The following AADAT variants were observed in gnomAD, a reference collection of about 807,000 sequenced individuals.
AADAT encodes the protein kynurenine/alpha-aminoadipate aminotransferase, mitochondrial.
In AADAT, 25 loss-of-function variants were observed where a neutral mutation model predicts 56.2. That is an observed-to-expected ratio of 0.44 (90% confidence interval 0.32 to 0.62). AADAT has a LOEUF of 0.62. AADAT is among the 20% of genes least tolerant of loss of function. The pLI is 0.04. For missense variants in AADAT, 387 were observed against 510.5 expected, an observed-to-expected ratio of 0.76 and a Z score of 2.33; for synonymous variants, 173 against 164.7, an observed-to-expected ratio of 1.05 and a Z score of -0.39.
chr4:170,081,068 C>T (rs899091342), intron 3 of AADAT, among the ~76,000 whole-genome samples: 1 of 152,024 alleles, frequency 6.6e-6, no homozygotes, highest in African/African-American at 2.4e-5. Context: ...AACAGCAATT[C>T]AGAAATTTAT....
intron 4 of AADAT, among the ~76,000 whole-genome samples, chr4:170,075,360 G>A (rs954922407): frequency 1.6e-4 from 25 of 152,036 alleles, no homozygotes; most frequent in African/African-American, 5.8e-4. Context: ...TAAGTGACAA[G>A]GTCTCACTTT....
At chr4:170,066,515 A>T in intron 9 of AADAT, 37 bp from the exon 10 acceptor site, 4 of 1,496,358 alleles carry the variant, frequency 2.7e-6, no homozygotes, top group Non-Finnish European at 3.7e-6. Context: ...TGTGCTCAGT[A>T]CATTGATTGC....
intron 3 of AADAT, among the ~76,000 whole-genome samples, chr4:170,081,783 T>A (rs1045874363): frequency 6.6e-6 from 1 of 152,152 alleles, no homozygotes; most frequent in Non-Finnish European, 1.5e-5. Context: ...CAAGCAATCT[T>A]CCCATCTCAG....
chr4:170,092,212 C>T (rs191169920), upstream of AADAT, among the ~76,000 whole-genome samples: 5 of 152,242 alleles, frequency 3.3e-5, no homozygotes, highest in African/African-American at 7.2e-5. Flanking sequence ...TTTGTTTTCT[C>T]GCAGTTTGCA....
intron 8 of AADAT, 77 bp downstream of exon 8, chr4:170,068,514 G>T: frequency 9.0e-7 from 1 of 1,116,868 alleles, no homozygotes; most frequent in Non-Finnish European, 1.3e-6. Context: ...TGGAGTTCCT[G>T]TGCTCTACCA....
At chr4:170,086,256 A>G (rs1341723520) in intron 3 of AADAT, among the ~76,000 whole-genome samples, 1 of 151,872 alleles carries the variant, frequency 6.6e-6, no homozygotes, top group Non-Finnish European at 1.5e-5. Context: ...AAAAAAAAAA[A>G]AAGAAAGAAA....
At position 170,087,350 on chromosome 4, in the gene AADAT, C is replaced by T; in HGVS notation, c.237-102G>A. On this transcript the variant is annotated intron_variant, in intron 2 of 12. Transcript: ENST00000337664. ...ACAGCTTTATCAAGCACTTTGTACA[C>T]TCAATTAAAAAACCCTCAAATGCTT... The T allele has an allele frequency of 3.6e-6, 4 of 1,124,358 alleles. No homozygotes were observed. In the South Asian group the frequency reaches 6.6e-5, roughly 18 times the overall value. 69.6% of individuals were successfully genotyped at this position (1,124,358 alleles called of 1,614,324 possible). A position where few individuals can be genotyped will look rare whatever the true frequency, so the allele number is the denominator to read the frequency against.
At chr4:170,073,403 G>GTTT in intron 4 of AADAT, 58 bp from the exon 5 acceptor site, 7 of 1,178,412 alleles carry the variant, frequency 5.9e-6, no homozygotes, top group South Asian at 1.7e-5. Context: ...AGTGCTATTG[G>GTTT]TTTTTTTTTT....
intron 10 of AADAT, among the ~76,000 whole-genome samples, chr4:170,065,571 G>A (rs928769331): frequency 3.3e-5 from 5 of 151,846 alleles, no homozygotes; most frequent in African/African-American, 1.2e-4. Context: ...CATGATCTTG[G>A]CTCACTGCCA....
At chr4:170,066,828 C>T (rs547553384) in intron 9 of AADAT, among the ~76,000 whole-genome samples, 8 of 152,220 alleles carry the variant, frequency 5.3e-5, no homozygotes, top group Non-Finnish European at 8.8e-5. Context: ...AATGAATCAC[C>T]GGTCTGGGAA....
intron 1 of AADAT, 116 bp from the exon 2 acceptor site, chr4:170,088,680 T>G (rs1007813047): frequency 9.4e-7 from 1 of 1,064,374 alleles, no homozygotes; most frequent in Non-Finnish European, 1.4e-6. Context: ...AGTGATAGAG[T>G]GTGCTATGGT....
chr4:170,077,551 C>T (rs1207500563), intron 4 of AADAT, among the ~76,000 whole-genome samples: 1 of 152,100 alleles, frequency 6.6e-6, no homozygotes, highest in Non-Finnish European at 1.5e-5. Context: ...AAGTTGGAAT[C>T]AATAGAGCAT....
chr4:170,062,210 G>A (rs1731226470), intron 11 of AADAT, among the ~76,000 whole-genome samples: 1 of 152,092 alleles, frequency 6.6e-6, no homozygotes. Context: ...AATCAATATG[G>A]CAAATGCTAT....
intron 3 of AADAT, among the ~76,000 whole-genome samples, chr4:170,085,891 T>C (rs1474411562): frequency 2.6e-5 from 4 of 152,062 alleles, no homozygotes; most frequent in Non-Finnish European, 5.9e-5. Flanking sequence ...CATATTTCCA[T>C]GAAAAAGAAA....
intron 11 of AADAT, among the ~76,000 whole-genome samples, chr4:170,063,691 C>T (rs1731307089): frequency 6.6e-6 from 1 of 152,164 alleles, no homozygotes. Context: ...TTCTAGAGCA[C>T]CTTGTCTCTT....
chr4:170,089,305 CT>C (rs1732721361), intron 1 of AADAT: 1 of 553,230 alleles, frequency 1.8e-6, no homozygotes, highest in Non-Finnish European at 3.4e-6. Flanking sequence ...GTGCATGCCC[CT>C]TCTCAGCTTC....
chr4:170,092,282 A>G (rs1045803338), upstream of AADAT, among the ~76,000 whole-genome samples: 2 of 152,232 alleles, frequency 1.3e-5, no homozygotes, highest in Non-Finnish European at 2.9e-5. Context: ...TGTAACACTC[A>G]CCGCGAAGGT....
chr4:170,089,391 T>C (rs1732725572), intron 1 of AADAT: 3 of 599,496 alleles, frequency 5.0e-6, no homozygotes, highest in Middle Eastern at 2.6e-4. Flanking sequence ...CGCCTCTCTC[T>C]ACTGTTGCTC....
chr4:170,071,767 A>G (rs1561015395), intron 5 of AADAT, among the ~76,000 whole-genome samples: 1 of 152,132 alleles, frequency 6.6e-6, no homozygotes, highest in Non-Finnish European at 1.5e-5. Context: ...GAAGATGGGG[A>G]CAGTGATGAC....
Sources: gnomAD v4.1 joint callset for allele counts (sites outside exome capture counted in the v4.1 genomes callset) on GRCh38, gnomAD v4.1.1 for gene constraint, MANE v1.5 for transcripts, NCBI Gene and HGNC (gene_info 2026-07-23, HGNC 2026-07-21) for gene names.